Variants in SLC2A14 observed in about 807,000 individuals in gnomAD.
SLC2A14 encodes solute carrier family 2, facilitated glucose transporter member 14.
In SLC2A14, 13 loss-of-function variants were observed where a neutral mutation model predicts 43.0. That is an observed-to-expected ratio of 0.30 (90% CI 0.20 to 0.48). SLC2A14 has a LOEUF of 0.48. Among genes scored for constraint, SLC2A14 ranks in the 20% least tolerant of loss-of-function variants. The pLI, the probability that SLC2A14 is intolerant of heterozygous loss-of-function variation, is 0.99. For missense variants in SLC2A14, 428 were observed against 620.4 expected (o/e 0.69, Z 3.29); for synonymous variants, 190 against 233.8 (o/e 0.81, Z 1.71).
intron 2 of SLC2A14, among the ~76,000 whole-genome samples, chr12:7,856,877 G>T (rs764188545): frequency 6.6e-6 from 1 of 150,456 alleles, no homozygotes; most frequent in Non-Finnish European, 1.5e-5. Flanking sequence ...TCGCCCTGTC[G>T]CTCAGGTTGG....
intron 2 of SLC2A14, among the ~76,000 whole-genome samples, chr12:7,844,866 G>A (rs1866327750): frequency 6.6e-6 from 1 of 152,002 alleles, no homozygotes; most frequent in Admixed American, 6.6e-5. Flanking sequence ...AAAAACAAGT[G>A]AGCTACATCT....
chr12:7,863,015 T>C (rs962565617), intron 2 of SLC2A14, among the ~76,000 whole-genome samples: 10 of 152,160 alleles, frequency 6.6e-5, no homozygotes, highest in African/African-American at 9.7e-5. Context: ...CAAGCCCGCA[T>C]TGGCAACCAG....
intron 2 of SLC2A14, among the ~76,000 whole-genome samples, chr12:7,834,559 C>G (rs1372836331): frequency 1.8e-5 from 1 of 54,242 alleles, no homozygotes; most frequent in East Asian, 4.8e-4. Flanking sequence ...GACCCCTTCT[C>G]TATCAAAAAA....
intron 1 of SLC2A14, 47 bp downstream of exon 1, chr12:7,872,752 GCTCAGGTC>G: frequency 1.0e-6 from 1 of 984,536 alleles, no homozygotes; most frequent in Non-Finnish European, 1.2e-6. Context: ...CTCTACCCCA[GCTCAGGTC>G]CTCATTCCCG....
At chr12:7,861,253 TG>T (rs992101371) in intron 2 of SLC2A14, among the ~76,000 whole-genome samples, 38 of 151,960 alleles carry the variant, frequency 2.5e-4, no homozygotes, top group Admixed American at 6.6e-4. Context: ...TTTTTTTTGG[TG>T]GGGGGGAGGC....
rs754765669 is a variant in SLC2A14, at chr12:7,869,075, C to T, written c.18+788G>A. On this transcript the variant is annotated intron_variant, in intron 2 of 10. Transcript: ENST00000431042. Reference sequence around the variant, plus strand: ...AGAAGAATCGTTTGAACCCAGGAGGCGGAGGTTGCGGTGAGCCGAGATCAC... The same window carrying T: ...AGAAGAATCGTTTGAACCCAGGAGGTGGAGGTTGCGGTGAGCCGAGATCAC... Among the ~76,000 whole-genome samples the T allele has an allele frequency of 4.8e-4, 72 of 148,956 alleles. 1 individual carries two copies. The highest frequency in any genetic ancestry group is 1.0e-3 in the African/African-American group (42 of 40,332).
intron 7 of SLC2A14, among the ~76,000 whole-genome samples, chr12:7,827,055 CTCTT>C (rs1439889713): frequency 1.1e-4 from 13 of 123,210 alleles, no homozygotes; most frequent in East Asian, 4.1e-4. Context: ...TTCTCTCTCT[CTCTT>C]TCTTTCTCTC....
intron 7 of SLC2A14, among the ~76,000 whole-genome samples, chr12:7,825,490 G>A (rs1348373872): frequency 1.7e-5 from 2 of 118,884 alleles, no homozygotes; most frequent in African/African-American, 6.1e-5. Context: ...CAAGCCAGGC[G>A]CGGTGGCTCA....
In SLC2A14 at chr12:7,832,823, A is replaced by C. The variant is rs1865146945; in HGVS notation, c.19-9T>G. On this transcript the variant is annotated splice_polypyrimidine_tract_variant and intron_variant, in intron 2 of 10. Coordinates refer to ENST00000431042, the MANE Select transcript of SLC2A14 (RefSeq NM_001286234.2). Reference sequence around the variant, plus strand: ...ATCAGAGCTGGGGTGACCTGGAGAGACAGAGGACAGGGAGGAGAGAATAGT... The same window carrying C: ...ATCAGAGCTGGGGTGACCTGGAGAGCCAGAGGACAGGGAGGAGAGAATAGT... 6.2e-7 allele frequency: 1 copy of C among 1,613,522 alleles called. No homozygotes were observed.
chr12:7,853,887 T>A (rs1867138109), intron 2 of SLC2A14, among the ~76,000 whole-genome samples: 3 of 152,180 alleles, frequency 2.0e-5, no homozygotes, highest in African/African-American at 7.2e-5. Context: ...TAGAAAAGTG[T>A]GTACTTTTCA....
At chr12:7,884,761 G>A (rs1945659379) in intron 1 of SLC2A14, among the ~76,000 whole-genome samples, 2 of 152,078 alleles carry the variant, frequency 1.3e-5, no homozygotes, top group African/African-American at 2.4e-5. Flanking sequence ...CCAGAGCAAG[G>A]TTCTATTTTT....
upstream of SLC2A14, among the ~76,000 whole-genome samples, chr12:7,875,977 G>GA (rs1332791413): frequency 2.1e-4 from 30 of 145,572 alleles, no homozygotes; most frequent in East Asian, 6.0e-4. Flanking sequence ...CTTCGTCCCA[G>GA]AAAAAAAAAA....
intron 4 of SLC2A14, 129 bp from the exon 5 acceptor site, chr12:7,830,135 T>C: frequency 6.4e-6 from 8 of 1,256,800 alleles, no homozygotes; most frequent in Non-Finnish European, 8.7e-6. Flanking sequence ...ACTTTTCTTT[T>C]TCACTTTCTT....
chr12:7,832,789 A>G lies in SLC2A14; in HGVS notation c.44T>C (p.Ile15Thr). 1 of 1,614,162 alleles carries G rather than the reference A, an allele frequency of 6.2e-7. No individual in the cohort carries two copies. Among genetic ancestry groups the G allele is most frequent in the Middle Eastern group, 1.6e-4 (1 of 6,062 alleles). ...GAAAGAGCCGATTGTAGCAACTGTG[A>G]TGGCAAAGATCAGAGCTGGGGTGAC... ...QNVTPALIFA[I>T]TVATIGSFQF... The change falls in exon 3 of 11, where the codon ATC (isoleucine) becomes ACC (threonine). Residue 15 changes from isoleucine to threonine, a missense_variant. Physicochemically the swap from Ile to Thr is moderately conservative, Grantham distance 89 (BLOSUM62 -1). This residue lies in a region of SLC2A14 where 122 missense variants were observed against 128.8 expected (regional missense o/e 0.95). Transcript: ENST00000431042.
chr12:7,871,495 G>A (rs1327760635), intron 1 of SLC2A14: 2 of 164,982 alleles, frequency 1.2e-5, no homozygotes, highest in African/African-American at 2.4e-5. Context: ...TCCCTTTGAG[G>A]GCTTCGGGTC....
At chr12:7,847,342 G>T (rs1007790396) in intron 2 of SLC2A14, among the ~76,000 whole-genome samples, 5 of 152,070 alleles carry the variant, frequency 3.3e-5, no homozygotes, top group African/African-American at 1.2e-4. Flanking sequence ...GAATTTCTTT[G>T]TTCCTTTTCC....
rs1457811894 is a variant in SLC2A14 at position 7,867,028 on chromosome 12, C to A, written c.18+2835G>T. Among the ~76,000 whole-genome samples the A allele has an allele frequency of 2.1e-4, 32 of 151,448 alleles. 1 individual carries two copies. Among genetic ancestry groups the A allele is most frequent in the Admixed American group, 1.6e-3 (25 of 15,208 alleles). On this transcript the variant is annotated intron_variant, in intron 2 of 10. Transcript: ENST00000431042. ...TCAATCTCGGCTCACGCCTGTAATC[C>A]CAGCACTTTGGGAGGCCGAGGCGGG...
intron 2 of SLC2A14, among the ~76,000 whole-genome samples, chr12:7,834,676 G>A (rs2120809065): frequency 6.6e-6 from 1 of 151,526 alleles, no homozygotes; most frequent in South Asian, 2.1e-4. Context: ...AAGCTGCAGT[G>A]AGCTATGCAG....
chr12:7,861,369 T>G (rs1944552395), intron 2 of SLC2A14, among the ~76,000 whole-genome samples: 1 of 152,158 alleles, frequency 6.6e-6, no homozygotes, highest in Non-Finnish European at 1.5e-5. Context: ...TTCCAGGGAT[T>G]AATTTCTGCT....
Sources: allele counts gnomAD v4.1 joint callset (sites outside exome capture counted in the v4.1 genomes callset), GRCh38; gene constraint gnomAD v4.1.1; regional missense constraint gnomAD v4.1.1; transcripts MANE v1.5; gene names NCBI Gene and HGNC (gene_info 2026-07-23, HGNC 2026-07-21).